HYDIN: variants seen among roughly 807,000 people sequenced by gnomAD.
HYDIN encodes axonemal central pair apparatus protein HYDIN.
A neutral mutation model predicts 403.9 loss-of-function variants in HYDIN; 132 were observed. The observed-to-expected ratio is 0.33, with a 90% CI of 0.28 to 0.38. The LOEUF (loss-of-function observed/expected upper bound fraction) is 0.38, where lower values mean the gene tolerates loss of function less well. Among genes scored for constraint, HYDIN ranks in the 10% least tolerant of loss-of-function variants. The pLI is 1.00. For missense variants in HYDIN, 2,827 were observed against 5,009.5 expected (o/e 0.56, Z 13.15); for synonymous variants, 1,202 against 1,891.7 (o/e 0.64, Z 9.46).
At chr16:70,970,477 A>G in intron 36 of HYDIN, 43 bp downstream of exon 36, 1 of 1,605,022 alleles carries the variant, frequency 6.2e-7, no homozygotes, top group Non-Finnish European at 8.5e-7. Context: ...GGGGAAAAAG[A>G]TGGGAACGTG....
At chr16:70,989,275 G>A (rs2079270260) in intron 25 of HYDIN, among the ~76,000 whole-genome samples, 1 of 152,076 alleles carries the variant, frequency 6.6e-6, no homozygotes. Context: ...GTGGCCTCAA[G>A]CCATCCTCCT....
intron 12 of HYDIN, among the ~76,000 whole-genome samples, chr16:71,083,658 C>T (rs1045182076): frequency 2.0e-5 from 3 of 151,266 alleles, no homozygotes; most frequent in Non-Finnish European, 2.9e-5. Flanking sequence ...ATGGTCAACA[C>T]GGTCCAAAAA....
At chr16:71,024,933 C>T (rs4533291) in intron 21 of HYDIN, among the ~76,000 whole-genome samples, 2 of 152,308 alleles carry the variant, frequency 1.3e-5, no homozygotes, top group African/African-American at 2.4e-5. Flanking sequence ...CTGCTGCATA[C>T]GGTTGTTGTG....
chr16:70,854,445 G>A (rs908080859), intron 73 of HYDIN, among the ~76,000 whole-genome samples: 2 of 150,616 alleles, frequency 1.3e-5, no homozygotes, highest in Non-Finnish European at 3.0e-5. Flanking sequence ...AGGGAGTTTC[G>A]CTCTTGTCAC....
At chr16:70,956,259 A>C (rs1597408284) in intron 39 of HYDIN, among the ~76,000 whole-genome samples, 1 of 1,550 alleles carries the variant, frequency 6.5e-4, no homozygotes, top group East Asian at 6.1e-3. Flanking sequence ...CTTTCATTAC[A>C]AAAAAAAAAA....
chr16:71,205,303 T>G (rs1337393478), intron 1 of HYDIN, among the ~76,000 whole-genome samples: 1 of 152,180 alleles, frequency 6.6e-6, no homozygotes, highest in Non-Finnish European at 1.5e-5. Context: ...CGCACCAGCC[T>G]GTCTGGGCTC....
chr16:71,177,483 C>T (rs2086717808), intron 4 of HYDIN, among the ~76,000 whole-genome samples: 1 of 152,150 alleles, frequency 6.6e-6, no homozygotes, highest in Non-Finnish European at 1.5e-5. Flanking sequence ...CTTACTAATG[C>T]TACTGCAGAA....
At chr16:71,201,610 G>C (rs898094640) in intron 1 of HYDIN, among the ~76,000 whole-genome samples, 1 of 152,224 alleles carries the variant, frequency 6.6e-6, no homozygotes, top group South Asian at 2.1e-4. Flanking sequence ...CTGCAAGAGA[G>C]GCAATGCTTT....
At chr16:71,222,738 G>T (rs968342975) in intron 1 of HYDIN, among the ~76,000 whole-genome samples, 2 of 151,886 alleles carry the variant, frequency 1.3e-5, no homozygotes, top group Non-Finnish European at 2.9e-5. Context: ...TACAACAGCT[G>T]CAAAAAAATA....
intron 29 of HYDIN, among the ~76,000 whole-genome samples, chr16:70,980,779 A>T (rs1315959957): frequency 6.6e-6 from 1 of 152,122 alleles, no homozygotes; most frequent in Non-Finnish European, 1.5e-5. Flanking sequence ...GACGTCAGGA[A>T]GAAAGAGCCA....
In HYDIN at chr16:70,975,151, C is replaced by T. The variant is rs201855097; in HGVS notation, c.4757G>A (p.Arg1586His). 1,728 of 520,102 alleles carry T rather than the reference C, an allele frequency of 3.3e-3. 5 individuals are homozygous for T. Among genetic ancestry groups the T allele is most frequent in the African/African-American group, 0.011 (486 of 45,408 alleles). 32.2% of individuals were successfully genotyped at this position (520,102 alleles called of 1,614,324 possible). A position where few individuals can be genotyped will look rare whatever the true frequency, so the allele number is the denominator to read the frequency against. ...MDDPCFSHRS[R>H]RKLAKIQLPE... is the part of the protein sequence containing the mutation. ...AACCACTCACTTGGCCAGTTTGCGG[C>T]GACTCCGATGGCTGAAGCAGGGGTC... The change falls in exon 31 of 86, where the codon CGC (arginine) becomes CAC (histidine). Residue 1586 changes from arginine to histidine, a missense_variant. By Grantham distance (29) the Arg-to-His change is conservative (BLOSUM62 0). Coordinates refer to ENST00000393567, the MANE Select transcript of HYDIN (RefSeq NM_001270974.2).
intron 1 of HYDIN, among the ~76,000 whole-genome samples, chr16:71,210,493 G>C (rs1355077037): frequency 6.6e-6 from 1 of 151,964 alleles, no homozygotes; most frequent in Non-Finnish European, 1.5e-5. Flanking sequence ...AACAGACATT[G>C]TGCCTACTTG....
intron 30 of HYDIN, among the ~76,000 whole-genome samples, chr16:70,976,490 A>C (rs968210898): frequency 5.3e-5 from 8 of 150,996 alleles, no homozygotes; most frequent in Non-Finnish European, 1.2e-4. Flanking sequence ...ACAAATCTAC[A>C]TGTGATAAAA....
At chr16:71,065,327 G>A (rs1255466463) in intron 15 of HYDIN, among the ~76,000 whole-genome samples, 12 of 152,188 alleles carry the variant, frequency 7.9e-5, no homozygotes, top group Admixed American at 2.6e-4. Context: ...TGGATGCAGA[G>A]GCTCAGGTGG....
chr16:71,197,885 T>C (rs996085437), intron 1 of HYDIN, among the ~76,000 whole-genome samples: 7 of 152,150 alleles, frequency 4.6e-5, no homozygotes, highest in Admixed American at 4.6e-4. Context: ...CTAGCTGGGA[T>C]TACAGGCATC....
At chr16:70,926,158 G>A (rs4985371) in intron 45 of HYDIN, among the ~76,000 whole-genome samples, 66,065 of 131,180 alleles carry the variant, frequency 0.5, 17,957 homozygotes, top group Non-Finnish European at 0.6. Flanking sequence ...CGACACATGC[G>A]CATGTATGTT....
Position 70,892,453 on chromosome 16 carries a change from G to A in HYDIN, c.9325C>T (p.Leu3109=). ...MISVQPKKGS[L]TPTEKPTNVQ... ...TTTGTGGGTTTTTCTGTTGGGGTCAGTGAACCCTTTTTGGGTTGGACTGAG... is the reference window on the plus strand; with the variant it reads ...TTTGTGGGTTTTTCTGTTGGGGTCAATGAACCCTTTTTGGGTTGGACTGAG... The change falls in exon 56 of 86, where the codon CTG becomes TTG. Residue 3109 remains leucine, a synonymous_variant. Coordinates refer to ENST00000393567, the MANE Select transcript of HYDIN (RefSeq NM_001270974.2). 6.2e-7 allele frequency: 1 copy of A among 1,604,302 alleles called. No homozygotes were observed. Among genetic ancestry groups the A allele is most frequent in the South Asian group, 1.1e-5 (1 of 89,536 alleles).
intron 50 of HYDIN, 87 bp downstream of exon 50, chr16:70,907,285 C>A (rs2076562650): frequency 6.1e-6 from 3 of 490,268 alleles, no homozygotes; most frequent in African/African-American, 2.0e-5. Context: ...GTAAAAGCTA[C>A]ATCTATGTAC....
chr16:71,176,441 C>T (rs1236477262), intron 4 of HYDIN, among the ~76,000 whole-genome samples: 2 of 152,142 alleles, frequency 1.3e-5, no homozygotes, highest in African/African-American at 4.8e-5. Context: ...ACACTTCCTG[C>T]ACCCCTTCAA....
Sources: allele counts gnomAD v4.1 joint callset (sites outside exome capture counted in the v4.1 genomes callset), GRCh38; gene constraint gnomAD v4.1.1; transcripts MANE v1.5; gene names NCBI Gene and HGNC (gene_info 2026-07-23, HGNC 2026-07-21).